The following SLC38A6 variants were observed in gnomAD, a reference collection of about 807,000 sequenced individuals.
SLC38A6 encodes N system amino acid transporter NAT-1.
In SLC38A6, 73 loss-of-function variants were observed where a neutral mutation model predicts 65.0. The observed-to-expected ratio is 1.12, with a 90% CI of 0.93 to 1.37. The LOEUF (loss-of-function observed/expected upper bound fraction) is 1.37. Among genes scored for constraint, SLC38A6 ranks in the 40% most tolerant of loss-of-function variants. The probability of loss-of-function intolerance (pLI) is 0.00; values close to 1 mark genes in which losing one functional copy is unlikely to be tolerated. For missense variants in SLC38A6, 561 were observed against 531.1 expected (o/e 1.06, Z -0.55); for synonymous variants, 183 against 178.8 (o/e 1.02, Z -0.19).
At chr14:61,008,740 G>GA (rs1403944328) in intron 3 of SLC38A6, among the ~76,000 whole-genome samples, 1 of 152,138 alleles carries the variant, frequency 6.6e-6, no homozygotes, top group East Asian at 1.9e-4. Flanking sequence ...GATGACAAAA[G>GA]AAAGTATATG....
chr14:61,065,339 G>T (rs1373553565), intron 15 of SLC38A6, among the ~76,000 whole-genome samples: 2 of 152,120 alleles, frequency 1.3e-5, no homozygotes, highest in Non-Finnish European at 2.9e-5. Flanking sequence ...TTAAACTTCA[G>T]CTTAGTATAC....
At chr14:61,046,243 C>T (rs1051314444) in intron 12 of SLC38A6, 76 bp downstream of exon 12, 6 of 937,442 alleles carry the variant, frequency 6.4e-6, no homozygotes, top group Admixed American at 2.4e-5. Context: ...TAGACTTTAC[C>T]TATGCCTTTT....
At chr14:61,055,112 T>TC (rs1226149660), downstream of SLC38A6, among the ~76,000 whole-genome samples, 10 of 133,378 alleles carry the variant, frequency 7.5e-5, 1 homozygote, top group Non-Finnish European at 1.6e-4. Flanking sequence ...TTTTCTTTTT[T>TC]TTTTTCTTTT....
chr14:61,061,577 T>C (rs896010341), intron 15 of SLC38A6, among the ~76,000 whole-genome samples: 4 of 152,224 alleles, frequency 2.6e-5, no homozygotes, highest in African/African-American at 9.6e-5. Context: ...TTTTCCAAAA[T>C]GTCATATAGT....
chr14:61,015,832 C>T (rs1174345551), intron 3 of SLC38A6, 72 bp from the exon 4 acceptor site: 2 of 1,210,222 alleles, frequency 1.7e-6, no homozygotes, highest in South Asian at 1.5e-5. Context: ...GTAGTAGGAC[C>T]TGCTCTTCTC....
chr14:61,008,718 A>G (rs1280831323), intron 3 of SLC38A6, among the ~76,000 whole-genome samples: 1 of 152,194 alleles, frequency 6.6e-6, no homozygotes, highest in African/African-American at 2.4e-5. Flanking sequence ...TGAAAATGGA[A>G]TACTCTTTTA....
intron 3 of SLC38A6, among the ~76,000 whole-genome samples, chr14:60,991,571 C>T (rs1265787517): frequency 1.3e-5 from 2 of 152,194 alleles, no homozygotes; most frequent in African/African-American, 2.4e-5. Context: ...CACTCTTCCC[C>T]AGTCGTGCTG....
intron 8 of SLC38A6, among the ~76,000 whole-genome samples, chr14:61,038,870 C>T (rs1319460933): frequency 1.1e-4 from 17 of 152,054 alleles, no homozygotes; most frequent in Admixed American, 1.1e-3. Context: ...TTATATCTTA[C>T]AGATAAGTGA....
chr14:60,989,502 T>G (rs1385160331), intron 3 of SLC38A6, among the ~76,000 whole-genome samples: 2 of 151,978 alleles, frequency 1.3e-5, no homozygotes. Flanking sequence ...CCCAGGAGGA[T>G]CACTTGAAGT....
chr14:61,071,613 G>C (rs1008703933), intron 15 of SLC38A6, among the ~76,000 whole-genome samples: 2 of 151,918 alleles, frequency 1.3e-5, no homozygotes, highest in African/African-American at 2.4e-5. Flanking sequence ...TCCCAGGGAG[G>C]TTGAGGCTGC....
At chr14:61,041,515 C>T (rs2041812729) in intron 8 of SLC38A6, among the ~76,000 whole-genome samples, 1 of 152,164 alleles carries the variant, frequency 6.6e-6, no homozygotes, top group African/African-American at 2.4e-5. Flanking sequence ...AGCTCACATA[C>T]AGAGTTTATC....
chr14:61,041,561 A>AT (rs772257870), intron 8 of SLC38A6, among the ~76,000 whole-genome samples: 3 of 152,144 alleles, frequency 2.0e-5, no homozygotes, highest in Admixed American at 6.6e-5. Flanking sequence ...TCAGTAAATG[A>AT]TTTTTTCTGC....
At chr14:61,000,873 A>G (rs894518767) in intron 3 of SLC38A6, among the ~76,000 whole-genome samples, 7 of 152,202 alleles carry the variant, frequency 4.6e-5, no homozygotes, top group Admixed American at 2.0e-4. Context: ...AACTGACTGA[A>G]AGGCAATAGA....
rs184787039 is a variant in SLC38A6 at position 60,988,596 on chromosome 14, T to G, written c.310+3793T>G. ...TACCAAAATAGCATTTGTTAGTATC[T>G]GCCCATCTGCCACCACCATCTCCTT... On this transcript the variant is annotated intron_variant, in intron 3 of 15. Transcript: ENST00000267488. 2.0e-4 allele frequency among the ~76,000 whole-genome samples: 30 copies of G among 152,324 alleles called. No homozygotes were observed. In the East Asian group the frequency reaches 3.7e-3, roughly 19 times the overall value.
intron 15 of SLC38A6, among the ~76,000 whole-genome samples, chr14:61,066,829 A>G (rs1009266742): frequency 1.2e-4 from 18 of 152,324 alleles, no homozygotes; most frequent in African/African-American, 3.8e-4. Flanking sequence ...ATGTTGTTCA[A>G]GAGTCAACTG....
chr14:61,036,396 G>C (rs2139714675), intron 6 of SLC38A6, among the ~76,000 whole-genome samples: 1 of 150,590 alleles, frequency 6.6e-6, no homozygotes, highest in Non-Finnish European at 1.5e-5. Context: ...TGAGCAATGA[G>C]AGCACATGAA....
At chr14:61,071,697 G>A (rs2043233806) in intron 15 of SLC38A6, among the ~76,000 whole-genome samples, 1 of 150,812 alleles carries the variant, frequency 6.6e-6, no homozygotes, top group South Asian at 2.1e-4. Flanking sequence ...AAAAAAAAAG[G>A]AAAAAAGAAG....
intron 3 of SLC38A6, among the ~76,000 whole-genome samples, chr14:61,002,539 T>C (rs1459844663): frequency 6.6e-6 from 1 of 152,174 alleles, no homozygotes; most frequent in Non-Finnish European, 1.5e-5. Context: ...TTAATTGTCC[T>C]ATTTCATTGA....
chr14:61,039,524 A>ATTTTTTTTTTT (rs5809078), intron 8 of SLC38A6, among the ~76,000 whole-genome samples: 3 of 130,622 alleles, frequency 2.3e-5, no homozygotes, highest in African/African-American at 2.9e-5. Context: ...GTGCATGCTA[A>ATTTTTTTTTTT]TTTTTTTTTT....
Sources: gnomAD v4.1 joint callset for allele counts (sites outside exome capture counted in the v4.1 genomes callset) on GRCh38, gnomAD v4.1.1 for gene constraint, MANE v1.5 for transcripts, NCBI Gene and HGNC (gene_info 2026-07-23, HGNC 2026-07-21) for gene names.